The following DGKD variants were observed in gnomAD, a reference collection of about 807,000 sequenced individuals.
DGKD encodes diacylglycerol kinase delta.
In DGKD, 68 loss-of-function variants were observed where a neutral mutation model predicts 154.4. The ratio of observed to expected loss-of-function variants is 0.44; its 90% CI spans 0.36 to 0.54. DGKD has a LOEUF of 0.54. Among genes scored for constraint, DGKD ranks in the 20% least tolerant of loss-of-function variants. The pLI, the probability that DGKD is intolerant of heterozygous loss-of-function variation, is 0.00. For synonymous variants in DGKD, 693 were observed against 638.0 expected (o/e 1.09, Z -1.30); for missense variants, 1,343 against 1,593.6 (o/e 0.84, Z 2.68).
At chr2:233,388,406 C>CA (rs765817410) in intron 2 of DGKD, 39 bp downstream of exon 2, 2 of 1,576,108 alleles carry the variant, frequency 1.3e-6, no homozygotes, top group Non-Finnish European at 1.7e-6. Context: ...GAGGACATCA[C>CA]AGGAGCCGTC....
At chr2:233,455,671 C>T (rs778069803) in intron 19 of DGKD, among the ~76,000 whole-genome samples, 5 of 152,218 alleles carry the variant, frequency 3.3e-5, no homozygotes, top group African/African-American at 4.8e-5. Context: ...AGTCTTCGTC[C>T]GCTGAGTCAG....
At chr2:233,411,452 A>G (rs767772604) in intron 3 of DGKD, among the ~76,000 whole-genome samples, 2 of 152,210 alleles carry the variant, frequency 1.3e-5, no homozygotes, top group Non-Finnish European at 2.9e-5. Context: ...AATGATGTCA[A>G]CATCTTTTCA....
At position 233,459,828 on chromosome 2, in the gene DGKD, C is replaced by T; in HGVS notation, c.2766C>T (p.Val922=). 6.2e-7 allele frequency: 1 copy of T among 1,614,096 alleles called. No individual in the cohort carries two copies. The highest frequency in any genetic ancestry group is 8.5e-7 in the Non-Finnish European group (1 of 1,180,012). The part of the protein sequence containing the change: ...VPVQVDGEAW[V]QPPGYIRIVH... The stretch of plus-strand genomic sequence containing the variant: ...TGCAGGTGGACGGAGAGGCCTGGGT[C>T]CAGCCGCCAGGGTACATTCGGATTG... Residue 922 remains valine (V), a synonymous_variant, in exon 23 of 30, where the codon GTC becomes GTT. Transcript: ENST00000264057. This position sits in a 1 kb window ranked among gnomAD's most constrained non-coding sequence, Gnocchi z 5.7.
chr2:233,361,990 G>A (rs1269630217), intron 1 of DGKD, among the ~76,000 whole-genome samples: 3 of 152,148 alleles, frequency 2.0e-5, no homozygotes, highest in African/African-American at 7.2e-5. Flanking sequence ...TAGAGACGGA[G>A]TCTTACCATG....
chr2:233,458,268 A>C lies in DGKD; in HGVS notation c.2581-16A>C. On this transcript the variant is annotated splice_polypyrimidine_tract_variant and intron_variant, in intron 21 of 29. Transcript: ENST00000264057. This position sits in a 1 kb window ranked among gnomAD's most constrained non-coding sequence, Gnocchi z 6.6. The stretch of plus-strand genomic sequence containing the variant: ...GATGTGTGGAGTGGTGGTCAGCTCT[A>C]ACGTGTCCCTTGCAGACTTTCGCAG... 6.3e-7 allele frequency: 1 copy of C among 1,582,862 alleles called. No individual in the cohort carries two copies. The highest frequency in any genetic ancestry group is 1.1e-5 in the South Asian group (1 of 89,968).
chr2:233,432,054 A>G (rs757024057), intron 3 of DGKD, among the ~76,000 whole-genome samples: 1 of 152,246 alleles, frequency 6.6e-6, no homozygotes, highest in African/African-American at 2.4e-5. Flanking sequence ...ACAGCAAAGG[A>G]AACAGTCAAC....
At chr2:233,430,385 T>C (rs1293307568) in intron 3 of DGKD, among the ~76,000 whole-genome samples, 1 of 152,202 alleles carries the variant, frequency 6.6e-6, no homozygotes. Context: ...ACTGTGCCAC[T>C]GTTGAAAGAA....
chr2:233,423,417 T>C (rs778504388), intron 3 of DGKD, among the ~76,000 whole-genome samples: 4 of 152,216 alleles, frequency 2.6e-5, no homozygotes, highest in Non-Finnish European at 5.9e-5. Context: ...GCAGGTGGTG[T>C]TGGCACTAGT....
intron 1 of DGKD, among the ~76,000 whole-genome samples, chr2:233,376,893 G>A (rs1470156389): frequency 6.6e-6 from 1 of 151,966 alleles, no homozygotes; most frequent in East Asian, 1.9e-4. Flanking sequence ...AAAATCATGT[G>A]TGTGCCTTCC....
At chr2:233,373,186 G>A (rs1376349028) in intron 1 of DGKD, among the ~76,000 whole-genome samples, 1 of 152,208 alleles carries the variant, frequency 6.6e-6, no homozygotes, top group Non-Finnish European at 1.5e-5. Flanking sequence ...AATTGAGGAG[G>A]TCAGCAACAG....
intron 3 of DGKD, among the ~76,000 whole-genome samples, chr2:233,428,897 G>C (rs1169760759): frequency 1.3e-5 from 2 of 149,762 alleles, no homozygotes; most frequent in African/African-American, 4.9e-5. Flanking sequence ...TTGTTGTTCT[G>C]TTTTTTCCTT....
intron 3 of DGKD, among the ~76,000 whole-genome samples, chr2:233,409,404 A>AT (rs1404893597): frequency 1.8e-4 from 28 of 151,750 alleles, no homozygotes; most frequent in African/African-American, 6.3e-4. Context: ...ATTTGATTGA[A>AT]TTTTTTCCTA....
At chr2:233,447,210 C>G (rs996756320) in intron 12 of DGKD, among the ~76,000 whole-genome samples, 92 of 152,202 alleles carry the variant, frequency 6.0e-4, no homozygotes, top group African/African-American at 2.2e-3. Flanking sequence ...GCTCCTGCCC[C>G]GTCCCACCTC....
intron 2 of DGKD, among the ~76,000 whole-genome samples, chr2:233,389,679 T>A (rs1434622280): frequency 5.3e-5 from 8 of 152,060 alleles, no homozygotes; most frequent in Non-Finnish European, 1.2e-4. Flanking sequence ...GAGTTATTAG[T>A]TTGATTTTCT....
intron 12 of DGKD, among the ~76,000 whole-genome samples, chr2:233,447,179 C>A (rs1056778338): frequency 2.7e-5 from 3 of 109,668 alleles, no homozygotes; most frequent in Non-Finnish European, 5.4e-5. Flanking sequence ...GGCTCTGCCG[C>A]GGCTCTCCCC....
At position 233,459,826 on chromosome 2, in the gene DGKD, G is replaced by A; in HGVS notation, c.2764G>A (p.Val922Ile). Reference sequence around the variant, plus strand: ...TGTGCAGGTGGACGGAGAGGCCTGGGTCCAGCCGCCAGGGTACATTCGGAT... The same window carrying A: ...TGTGCAGGTGGACGGAGAGGCCTGGATCCAGCCGCCAGGGTACATTCGGAT... ...VPVQVDGEAWVQPPGYIRIVH... is the reference protein window; with the variant it reads ...VPVQVDGEAWIQPPGYIRIVH... Residue 922 changes from valine (V) to isoleucine (I), a missense_variant, in exon 23 of 30, where the codon GTC becomes ATC. Val to Ile is a conservative substitution (Grantham distance 29). This residue lies in a region of DGKD where 429 missense variants were observed against 496.3 expected (regional missense o/e 0.86). Coordinates refer to ENST00000264057, the MANE Select transcript of DGKD (RefSeq NM_152879.3). The surrounding 1 kb of genome is among the most constrained non-coding windows in gnomAD (Gnocchi z 5.7). 6.2e-7 allele frequency: 1 copy of A among 1,614,112 alleles called. No homozygotes were observed.
chr2:233,357,295 T>G lies in DGKD; in HGVS notation c.156+2621T>G, dbSNP rs144282827. On this transcript the variant is annotated intron_variant, in intron 1 of 29. Coordinates refer to ENST00000264057, the MANE Select transcript of DGKD (RefSeq NM_152879.3). Reference sequence around the variant, plus strand: ...GGAGCAGAAGGACAAAGAATGGATCTGAGGACAAGCTGGCCCAGGACCAGA... The same window carrying G: ...GGAGCAGAAGGACAAAGAATGGATCGGAGGACAAGCTGGCCCAGGACCAGA... Among the ~76,000 whole-genome samples, 483 of 152,292 alleles carry G rather than the reference T, an allele frequency of 3.2e-3. 1 individual carries two copies. The highest frequency in any genetic ancestry group is 0.011 in the African/African-American group (449 of 41,566).
At chr2:233,460,069 T>TA (rs780838849) in intron 23 of DGKD, 125 bp from the exon 24 acceptor site, 26,186 of 1,326,018 alleles carry the variant, frequency 0.02, 313 homozygotes, top group African/African-American at 0.13. Context: ...CCCCTAATGT[T>TA]AAAAAAAAAA....
In DGKD at chr2:233,467,164, A is replaced by G. The variant is rs370192689; in HGVS notation, c.3385A>G (p.Asn1129Asp). 5.6e-5 allele frequency: 90 copies of G among 1,614,100 alleles called. No homozygotes were observed. Among genetic ancestry groups the G allele is most frequent in the Middle Eastern group, 3.3e-4 (2 of 6,084 alleles). Residue 1129 changes from asparagine (N) to aspartate (D), a missense_variant, in exon 28 of 30, where the codon AAC (asparagine) becomes GAC (aspartate). By Grantham distance (23) the Asn-to-Asp change is conservative. Around this residue, in one of 6 missense-constraint regions of DGKD, gnomAD observed 429 missense variants for 496.3 expected, o/e 0.86. Coordinates refer to ENST00000264057, the MANE Select transcript of DGKD (RefSeq NM_152879.3). ...GACCAAGTTTAAAAAGGAGAAAAAC[A>G]ACAAGAACAAAGAAGCTCACAGTAG... ...LVTKFKKEKNNKNKEAHSSLG... is the reference protein window; with the variant it reads ...LVTKFKKEKNDKNKEAHSSLG...
Sources: allele counts gnomAD v4.1 joint callset (sites outside exome capture counted in the v4.1 genomes callset), GRCh38; gene constraint gnomAD v4.1.1; regional missense constraint gnomAD v4.1.1; non-coding constraint Gnocchi (gnomAD v3.1); transcripts MANE v1.5; gene names NCBI Gene and HGNC (gene_info 2026-07-23, HGNC 2026-07-21).